RALGAPA1: variants seen among roughly 807,000 people sequenced by gnomAD.
The protein encoded by RALGAPA1 is ral GTPase-activating protein subunit alpha-1.
Under a neutral mutation model 269.6 loss-of-function variants are expected in RALGAPA1, and 52 were observed. That is an observed-to-expected ratio of 0.19 (90% CI 0.15 to 0.24). RALGAPA1 has a LOEUF of 0.24. RALGAPA1 is among the 10% of genes least tolerant of loss of function. The pLI is 1.00. For missense variants in RALGAPA1, 1,917 were observed against 3,013.9 expected (o/e 0.64, Z 8.52); for synonymous variants, 817 against 1,008.3 (o/e 0.81, Z 3.60).
intron 12 of RALGAPA1, among the ~76,000 whole-genome samples, chr14:35,736,566 A>G (rs2071012779): frequency 1.3e-5 from 2 of 152,128 alleles, no homozygotes; most frequent in African/African-American, 4.8e-5. Context: ...AAGTGAGAAG[A>G]AACAGGAGGA....
At chr14:35,728,328 A>C in intron 13 of RALGAPA1, 34 bp downstream of exon 13, 2 of 1,495,494 alleles carry the variant, frequency 1.3e-6, no homozygotes, top group Non-Finnish European at 1.8e-6. Context: ...ACACAATAAA[A>C]ACACATAGAC....
chr14:35,555,503 T>C (rs2055517423), intron 39 of RALGAPA1, among the ~76,000 whole-genome samples: 1 of 152,170 alleles, frequency 6.6e-6, no homozygotes, highest in South Asian at 2.1e-4. Flanking sequence ...ACCATAAGAA[T>C]AGAAGTAATA....
intron 16 of RALGAPA1, among the ~76,000 whole-genome samples, chr14:35,712,150 G>C (rs547342017): frequency 6.6e-6 from 1 of 151,420 alleles, no homozygotes; most frequent in South Asian, 2.1e-4. Context: ...AGGAGGCTGA[G>C]GCAGGAAAAT....
chr14:35,762,729 T>A lies in RALGAPA1; in HGVS notation c.350A>T (p.His117Leu). The change falls in exon 5 of 42, where the codon CAC (histidine) becomes CTC (leucine). Residue 117 changes from histidine to leucine, a missense_variant. Physicochemically the swap from His to Leu is moderately conservative, Grantham distance 99. Transcript: ENST00000680220. ...TTGTACCTTTAAGGAGTTTCCTGTG[T>A]GAAGTAGCTTCTTTAAAATCAATCC... is the stretch of plus-strand genomic sequence containing the variant. Reference protein sequence around the residue: ...SIGLILKKLLHTGNSLKIRRE... With the variant: ...SIGLILKKLLLTGNSLKIRRE... 1 of 1,520,242 alleles carries A rather than the reference T, an allele frequency of 6.6e-7. No homozygotes were observed. The highest frequency in any genetic ancestry group is 9.1e-7 in the Non-Finnish European group (1 of 1,094,730). The allele number at this position is 1,520,242 out of a possible 1,614,324, so 94.2% of individuals were successfully genotyped here. A position where few individuals can be genotyped will look rare whatever the true frequency, so the allele number is the denominator to read the frequency against.
intron 22 of RALGAPA1, chr14:35,676,328 C>T (rs2064945917): frequency 6.6e-6 from 1 of 152,138 alleles, no homozygotes; most frequent in Non-Finnish European, 1.5e-5. Context: ...TTTCCTGCCT[C>T]AGCCTACCGA....
chr14:35,620,618 G>A (rs754241666), intron 35 of RALGAPA1, among the ~76,000 whole-genome samples: 4 of 152,100 alleles, frequency 2.6e-5, no homozygotes, highest in East Asian at 1.9e-4. Flanking sequence ...AAACCCCATC[G>A]TCTCAGCCCA....
At position 35,723,016 on chromosome 14, in the gene RALGAPA1, A is replaced by T. The variant is rs769290848; in HGVS notation, c.2104+11T>A. On this transcript the variant is annotated intron_variant, in intron 15 of 41. Coordinates refer to ENST00000680220, the MANE Select transcript of RALGAPA1 (RefSeq NM_001346249.2). ...AAATTTATATAGAGCATCTCTATGA[A>T]CAATTCTTACCTTTCCCTTTGTGCT... is the stretch of plus-strand genomic sequence containing the variant. 1 of 1,560,362 alleles carries T rather than the reference A, an allele frequency of 6.4e-7. No homozygotes were observed.
intron 38 of RALGAPA1, among the ~76,000 whole-genome samples, chr14:35,571,195 C>A (rs1280074659): frequency 2.6e-5 from 4 of 152,116 alleles, no homozygotes; most frequent in African/African-American, 9.7e-5. Context: ...GAAAAAATAT[C>A]TATGTTTTGA....
intron 30 of RALGAPA1, among the ~76,000 whole-genome samples, chr14:35,652,364 TTATATA>T (rs10645179): frequency 6.8e-6 from 1 of 147,952 alleles, no homozygotes; most frequent in African/African-American, 2.5e-5. Flanking sequence ...GGCCTTTTGT[TTATATA>T]TATATATATA....
intron 13 of RALGAPA1, 126 bp downstream of exon 13, chr14:35,728,236 A>G: frequency 1.1e-6 from 1 of 884,888 alleles, no homozygotes; most frequent in South Asian, 5.6e-5. Context: ...TTTTATATTT[A>G]TTCAATAATA....
chr14:35,763,685 G>GT (rs1242084667), intron 4 of RALGAPA1, among the ~76,000 whole-genome samples: 8 of 150,322 alleles, frequency 5.3e-5, no homozygotes, highest in Admixed American at 4.7e-4. Context: ...AAGACATTTG[G>GT]TTTTTTTCAA....
chr14:35,589,499 G>C, intron 37 of RALGAPA1, among the ~76,000 whole-genome samples: 1 of 151,958 alleles, frequency 6.6e-6, no homozygotes, highest in Non-Finnish European at 1.5e-5. Flanking sequence ...ATCAAAATGT[G>C]TTGTATATCA....
chr14:35,762,716 G>T lies in RALGAPA1; in HGVS notation c.363C>A (p.Ser121=). 6.6e-7 allele frequency: 1 copy of T among 1,518,012 alleles called. No homozygotes were observed. Among genetic ancestry groups the T allele is most frequent in the East Asian group, 2.3e-5 (1 of 44,348 alleles). 94.0% of individuals were successfully genotyped at this position (1,518,012 alleles called of 1,614,324 possible). ...ILKKLLHTGN[S]LKIRREGVRL... Reference sequence around the variant, plus strand: ...AAAGTAAACATAGTTGTACCTTTAAGGAGTTTCCTGTGTGAAGTAGCTTCT... The same window carrying T: ...AAAGTAAACATAGTTGTACCTTTAATGAGTTTCCTGTGTGAAGTAGCTTCT... Residue 121 remains serine (S), a synonymous_variant, in exon 5 of 42, where the codon TCC becomes TCA. Transcript: ENST00000680220.
chr14:35,715,919 A>T, intron 16 of RALGAPA1: 1 of 985,384 alleles, frequency 1.0e-6, no homozygotes, highest in Non-Finnish European at 1.2e-6. Context: ...GAAATGAGTA[A>T]GAAGAGTCTT....
In RALGAPA1 at chr14:35,748,643, C is replaced by T. The variant is rs761872111; in HGVS notation, c.1193G>A (p.Arg398His). ...ACTCCTTTTAGAAGAAAAAACTCTG[C>T]GAACTATTTCAATGTCTGTGAGATG... ...EEHLTDIEIVRRVFSSKRSNV... is the reference protein window; with the variant it reads ...EEHLTDIEIVHRVFSSKRSNV... The change falls in exon 10 of 42, where the codon CGC becomes CAC. Residue 398 changes from arginine to histidine, a missense_variant. This residue lies in a region of RALGAPA1 where 462 missense variants were observed against 725.6 expected (regional missense o/e 0.64). Coordinates refer to ENST00000680220, the MANE Select transcript of RALGAPA1 (RefSeq NM_001346249.2). The T allele has an allele frequency of 3.3e-5, 53 of 1,610,880 alleles. No individual in the cohort carries two copies. The highest frequency in any genetic ancestry group is 5.0e-5 in the Admixed American group (3 of 59,586).
At chr14:35,672,019 T>C (rs2064494243) in intron 25 of RALGAPA1, among the ~76,000 whole-genome samples, 1 of 152,200 alleles carries the variant, frequency 6.6e-6, no homozygotes, top group Admixed American at 6.5e-5. Context: ...CCTAACTTCA[T>C]TATTCATTTA....
At chr14:35,641,849 T>C (rs948033671) in intron 31 of RALGAPA1, among the ~76,000 whole-genome samples, 28 of 152,120 alleles carry the variant, frequency 1.8e-4, no homozygotes, top group African/African-American at 6.8e-4. Context: ...TTTCAAATAA[T>C]ACTACAGAGC....
At chr14:35,788,364 A>C (rs1370567285) in intron 1 of RALGAPA1, among the ~76,000 whole-genome samples, 1 of 152,164 alleles carries the variant, frequency 6.6e-6, no homozygotes, top group African/African-American at 2.4e-5. Context: ...GGTTCCTATG[A>C]AAAGTCAAAT....
rs375919378 is a variant in RALGAPA1, at chr14:35,775,710, C to A, written c.142G>T (p.Asp48Tyr). The A allele has an allele frequency of 2.6e-6, 4 of 1,562,332 alleles. No homozygotes were observed. The highest frequency in any genetic ancestry group is 4.8e-5 in the East Asian group (2 of 41,422). Residue 48 changes from aspartate to tyrosine, a missense_variant, in exon 2 of 42, where the codon GAC becomes TAC. Physicochemically the swap from Asp to Tyr is radical, Grantham distance 160. Around this residue, in one of 11 missense-constraint regions of RALGAPA1, gnomAD observed 462 missense variants for 725.6 expected, o/e 0.64. Transcript: ENST00000680220. ...TAGTATATATGTGAAAAATGTTGGT[C>A]GAAAAACTGTTTAAGATCAATAGAT... ...AESIDLKQFF[D>Y]QHFSHIYYVF...
Sources: gnomAD v4.1 joint callset for allele counts (sites outside exome capture counted in the v4.1 genomes callset) on GRCh38, gnomAD v4.1.1 for gene constraint, gnomAD v4.1.1 regional missense constraint, MANE v1.5 for transcripts, NCBI Gene and HGNC (gene_info 2026-07-23, HGNC 2026-07-21) for gene names.